Variants in MALT1 observed in about 807,000 individuals in gnomAD.
MALT1 encodes MALT1 paracaspase.
MALT1 carries 36 observed loss-of-function variants against 85.5 expected under a neutral mutation model. The observed-to-expected ratio is 0.42, with a 90% CI of 0.32 to 0.56. MALT1 has a LOEUF of 0.56. Among genes scored for constraint, MALT1 ranks in the 20% least tolerant of loss-of-function variants. The probability of loss-of-function intolerance (pLI) is 0.10; values close to 1 mark genes in which losing one functional copy is unlikely to be tolerated. For missense variants in MALT1, 716 were observed against 981.6 expected (o/e 0.73, Z 3.62); for synonymous variants, 359 against 361.3 (o/e 0.99, Z 0.07).
chr18:58,741,172 A>G (rs1339918469), intron 13 of MALT1, among the ~76,000 whole-genome samples: 1 of 152,172 alleles, frequency 6.6e-6, no homozygotes, highest in African/African-American at 2.4e-5. Flanking sequence ...GAGGCACCAT[A>G]TAACAGATTG....
At chr18:58,729,154 A>G (rs959607482) in intron 10 of MALT1, among the ~76,000 whole-genome samples, 7 of 152,146 alleles carry the variant, frequency 4.6e-5, no homozygotes, top group Non-Finnish European at 7.4e-5. Flanking sequence ...TGCTGAGAGA[A>G]ATAATAGTGA....
intron 4 of MALT1, among the ~76,000 whole-genome samples, chr18:58,704,414 T>C (rs1484813353): frequency 1.3e-5 from 2 of 152,214 alleles, no homozygotes; most frequent in Non-Finnish European, 2.9e-5. Context: ...CCTCTTTGTC[T>C]TGAAGTTTAC....
rs1434842681 is a variant in MALT1 at position 58,709,512 on chromosome 18, A to G, written c.784A>G (p.Lys262Glu). The G allele has an allele frequency of 5.6e-6, 9 of 1,612,384 alleles. No individual in the cohort carries two copies. Among genetic ancestry groups the G allele is most frequent in the Non-Finnish European group, 6.8e-6 (8 of 1,179,452 alleles). ...GSPIPHYQWF[K>E]NELPLTHETK... ...CCCTATTCCTCACTACCAGTGGTTC[A>G]AAAATGAATTACCATTAACACATGA... is the stretch of plus-strand genomic sequence containing the variant. Residue 262 changes from lysine (K) to glutamate (E), a missense_variant, in exon 5 of 17, where the codon AAA (lysine) becomes GAA (glutamate). Coordinates refer to ENST00000649217, the MANE Select transcript of MALT1 (RefSeq NM_006785.4).
rs1345674506 is a variant in MALT1 at position 58,748,474 on chromosome 18, TTTTAG to T, written c.*635_*639del. 5.5e-6 allele frequency: 1 copy of T among 183,178 alleles called. No homozygotes were observed. The highest frequency in any genetic ancestry group is 6.3e-5 in the Admixed American group (1 of 15,994). The allele number at this position is 183,178 out of a possible 1,614,324, so 11.3% of individuals were successfully genotyped here. A position where few individuals can be genotyped will look rare whatever the true frequency, so the allele number is the denominator to read the frequency against. On this transcript the variant is annotated 3_prime_UTR_variant, in exon 17 of 17. Transcript: ENST00000649217. ...TTGATTATAAGGACTTCACTGCAAG[TTTTAG>T]TTAAGAGGTTTGTATATAAATCTGT... is the stretch of plus-strand genomic sequence containing the variant.
At chr18:58,700,077 G>A (rs747435528) in intron 3 of MALT1, among the ~76,000 whole-genome samples, 5 of 152,166 alleles carry the variant, frequency 3.3e-5, no homozygotes, top group South Asian at 2.1e-4. Context: ...TCTCTATGCC[G>A]CTGTGGTGTT....
chr18:58,718,812 G>T (rs1012299287), intron 9 of MALT1, among the ~76,000 whole-genome samples: 45 of 152,184 alleles, frequency 3.0e-4, no homozygotes, highest in Non-Finnish European at 1.5e-5. Context: ...CAGATTAGTC[G>T]AGGAGAGTTA....
At chr18:58,673,252 T>C (rs1334556223) in intron 1 of MALT1, among the ~76,000 whole-genome samples, 1 of 152,234 alleles carries the variant, frequency 6.6e-6, no homozygotes, top group Non-Finnish European at 1.5e-5. Flanking sequence ...AACTAACAAA[T>C]ATTCAATTCC....
chr18:58,688,536 CA>C (rs552838701), intron 2 of MALT1, among the ~76,000 whole-genome samples: 3,808 of 61,240 alleles, frequency 0.062, 20 homozygotes, highest in East Asian at 0.095. Flanking sequence ...CCTGTTTCTA[CA>C]AAAAAAAAAA....
intron 4 of MALT1, among the ~76,000 whole-genome samples, chr18:58,703,213 T>TGGGTGTGGTG (rs2054699437): frequency 6.6e-6 from 1 of 151,970 alleles, no homozygotes; most frequent in South Asian, 2.1e-4. Flanking sequence ...AAAAATTAGC[T>TGGGTGTGGTG]GGGTGTGGTG....
chr18:58,700,076 C>T (rs956264332), intron 3 of MALT1, among the ~76,000 whole-genome samples: 1 of 152,124 alleles, frequency 6.6e-6, no homozygotes, highest in African/African-American at 2.4e-5. Flanking sequence ...TTCTCTATGC[C>T]GCTGTGGTGT....
intron 2 of MALT1, among the ~76,000 whole-genome samples, chr18:58,683,390 A>G (rs182397549): frequency 1.3e-5 from 2 of 152,308 alleles, no homozygotes; most frequent in African/African-American, 2.4e-5. Context: ...AGTATTCTCT[A>G]CCTCACAGAG....
In MALT1 at chr18:58,745,937, TTC is replaced by T. The variant is rs1210364286; in HGVS notation, c.2037+148_2037+149del. 7.3e-5 allele frequency: 50 copies of T among 681,304 alleles called. No individual in the cohort carries two copies. The East Asian group carries it at 1.0e-3, about 14-fold the overall frequency. The allele number at this position is 681,304 out of a possible 1,614,324, so 42.2% of individuals were successfully genotyped here. A position where few individuals can be genotyped will look rare whatever the true frequency, so the allele number is the denominator to read the frequency against. On this transcript the variant is annotated intron_variant, in intron 16 of 16. Transcript: ENST00000649217. Reference sequence around the variant, plus strand: ...GGTCCTATCAGTGACCCTTTTTATATTCTGTTTCCGATGGTGACCAGAGGACT... The same window carrying T: ...GGTCCTATCAGTGACCCTTTTTATATTGTTTCCGATGGTGACCAGAGGACT...
Position 58,753,611 on chromosome 18 carries a change from C to A in MALT1, c.*5769C>A, listed in dbSNP as rs1392367516. 1 of 152,150 alleles carries A rather than the reference C, an allele frequency of 6.6e-6. No individual in the cohort carries two copies. Among genetic ancestry groups the A allele is most frequent in the Admixed American group, 6.5e-5 (1 of 15,268 alleles). 9.4% of individuals were successfully genotyped at this position (152,150 alleles called of 1,614,324 possible). On this transcript the variant is annotated 3_prime_UTR_variant, in exon 17 of 17. Coordinates refer to ENST00000649217, the MANE Select transcript of MALT1 (RefSeq NM_006785.4). ...CAGTTTGTGTTATGTATCTATCCCGCAAAACAGCTCTAAAGGTGATTTACT... is the reference window on the plus strand; with the variant it reads ...CAGTTTGTGTTATGTATCTATCCCGAAAAACAGCTCTAAAGGTGATTTACT...
At chr18:58,678,295 C>T (rs2054270376) in intron 1 of MALT1, among the ~76,000 whole-genome samples, 1 of 152,156 alleles carries the variant, frequency 6.6e-6, no homozygotes, top group East Asian at 1.9e-4. Context: ...GTTTGCTAAC[C>T]TTGATTCTGT....
intron 13 of MALT1, among the ~76,000 whole-genome samples, chr18:58,741,094 G>A (rs2055295280): frequency 6.6e-6 from 1 of 151,846 alleles, no homozygotes; most frequent in Admixed American, 6.6e-5. Context: ...TTAACCCCTA[G>A]GCTAGCCTGC....
At chr18:58,705,322 G>GTATA in intron 4 of MALT1, among the ~76,000 whole-genome samples, 1 of 148,258 alleles carries the variant, frequency 6.7e-6, no homozygotes, top group East Asian at 2.0e-4. Flanking sequence ...GTGTGTGTGT[G>GTATA]TATTTATTTT....
chr18:58,696,421 G>A lies in MALT1; in HGVS notation c.432G>A (p.Val144=). The change falls in exon 3 of 17, where the codon GTG becomes GTA. Residue 144 remains valine, a synonymous_variant. Coordinates refer to ENST00000649217, the MANE Select transcript of MALT1 (RefSeq NM_006785.4). ...AGGCAGTCTTGGCTGGACAGTTTGT[G>A]AAACTGTGTTGCCGGGCAACTGGAC... ...ESKAVLAGQF[V]KLCCRATGHP... 1 of 1,556,848 alleles carries A rather than the reference G, an allele frequency of 6.4e-7. No individual in the cohort carries two copies. The highest frequency in any genetic ancestry group is 1.8e-5 in the Admixed American group (1 of 56,270).
At position 58,744,354 on chromosome 18, in the gene MALT1, G is replaced by A; in HGVS notation, c.1770G>A (p.Met590Ile). ...WAKAHELPES[M>I]CLKFDCGVQI... ...CTTTTTCAGAACTTCCAGAAAGTATGTGTCTTAAGTTTGACTGTGGTGTTC... is the reference window on the plus strand; with the variant it reads ...CTTTTTCAGAACTTCCAGAAAGTATATGTCTTAAGTTTGACTGTGGTGTTC... The change falls in exon 15 of 17, where the codon ATG (methionine) becomes ATA (isoleucine). Residue 590 changes from methionine (M) to isoleucine (I), a missense_variant. By Grantham distance (10) the Met-to-Ile change is conservative. Coordinates refer to ENST00000649217, the MANE Select transcript of MALT1 (RefSeq NM_006785.4). 6.3e-7 allele frequency: 1 copy of A among 1,595,484 alleles called. No homozygotes were observed.
At chr18:58,731,792 G>T (rs1245396957) in intron 10 of MALT1, among the ~76,000 whole-genome samples, 3 of 151,986 alleles carry the variant, frequency 2.0e-5, no homozygotes, top group Non-Finnish European at 4.4e-5. Flanking sequence ...GTGAATTCAT[G>T]TATGGAGATA....
Sources: gnomAD v4.1 joint callset for allele counts (sites outside exome capture counted in the v4.1 genomes callset) on GRCh38, gnomAD v4.1.1 for gene constraint, MANE v1.5 for transcripts, NCBI Gene and HGNC (gene_info 2026-07-23, HGNC 2026-07-21) for gene names.